WDR86: variants seen among roughly 807,000 people sequenced by gnomAD.
WDR86 encodes WD repeat domain 86, also known as WD repeat-containing protein 86.
Under a neutral mutation model 36.5 loss-of-function variants are expected in WDR86, and 30 were observed. The observed-to-expected ratio is 0.82, with a 90% CI of 0.61 to 1.11. The LOEUF is 1.11. Ranked by LOEUF, WDR86 falls within the 50% of genes most tolerant of loss-of-function variation. WDR86 has a pLI of 0.00. For synonymous variants in WDR86, 255 were observed against 252.9 expected (o/e 1.01, Z -0.08); for missense variants, 545 against 561.2 (o/e 0.97, Z 0.29).
rs369021299 is a variant in WDR86, at chr7:151,385,140, C to T, written c.810G>A (p.Thr270=). The part of the protein sequence containing the change: ...WLADTGECVR[T]FTAHRRNVSA... ...TCACGTTGCGTCTGTGGGCCGTGAA[C>T]GTGCGCACACACTCCCCTGTGTCTG... The change falls in exon 4 of 6, where the codon ACG becomes ACA. Residue 270 remains threonine (T), a synonymous_variant. Coordinates refer to ENST00000334493, the MANE Select transcript of WDR86 (RefSeq NM_198285.3). 17 of 1,612,800 alleles carry T rather than the reference C, an allele frequency of 1.1e-5. No individual in the cohort carries two copies. The highest frequency in any genetic ancestry group is 1.0e-4 in the Admixed American group (6 of 60,018).
Position 151,409,558 on chromosome 7 carries a change from C to T in WDR86, c.32G>A (p.Cys11Tyr), listed in dbSNP as rs1240697562. 6.7e-7 allele frequency: 1 copy of T among 1,498,356 alleles called. No homozygotes were observed. Among genetic ancestry groups the T allele is most frequent in the East Asian group, 2.5e-5 (1 of 39,560 alleles). The allele number at this position is 1,498,356 out of a possible 1,614,324, so 92.8% of individuals were successfully genotyped here. The change falls in exon 1 of 6, where the codon TGC (cysteine) becomes TAC (tyrosine). Residue 11 changes from cysteine to tyrosine, a missense_variant. By Grantham distance (194) the Cys-to-Tyr change is radical (BLOSUM62 -2). Coordinates refer to ENST00000334493, the MANE Select transcript of WDR86 (RefSeq NM_198285.3). The surrounding 1 kb of genome is among the most constrained non-coding windows in gnomAD (Gnocchi z 5.2). The stretch of plus-strand genomic sequence containing the variant: ...GTTGATGCCCCCGCGGTGGTCGGCG[C>T]AGACCCTCAGGGCCGACCCGCCGCC... MGGGGSALRVCADHRGGINWL... is the reference protein window; with the variant it reads MGGGGSALRVYADHRGGINWL...
rs1391160556 is a variant in WDR86, at chr7:151,398,511, T to C, written c.305+1589A>G. ...GTGTATATGTGTGCGCACGTGTGTA[T>C]GTGTAAGTTTGTGTATGAGTGTGTA... is the stretch of plus-strand genomic sequence containing the variant. On this transcript the variant is annotated intron_variant, in intron 2 of 5. Coordinates refer to ENST00000334493, the MANE Select transcript of WDR86 (RefSeq NM_198285.3). Among the ~76,000 whole-genome samples the C allele has an allele frequency of 2.0e-5, 3 of 146,812 alleles. 1 individual carries two copies. Among genetic ancestry groups the C allele is most frequent in the African/African-American group, 8.2e-5 (3 of 36,498 alleles).
At chr7:151,374,383 C>A, downstream of WDR86, 1 of 1,148,762 alleles carries the variant, frequency 8.7e-7, no homozygotes, top group Non-Finnish European at 1.3e-6. Context: ...CAGGTTTCTC[C>A]TGGGCTCCAG....
downstream of WDR86, among the ~76,000 whole-genome samples, chr7:151,372,124 C>T (rs1797986523): frequency 2.0e-5 from 3 of 152,208 alleles, no homozygotes; most frequent in East Asian, 1.9e-4. Context: ...GATCATGCTT[C>T]GGCATGGCCA....
chr7:151,377,021 C>T (rs754942454), downstream of WDR86: 1 of 1,508,498 alleles, frequency 6.6e-7, no homozygotes, highest in Non-Finnish European at 8.9e-7. Flanking sequence ...ACATAATTCA[C>T]TTACTCCTGC....
rs751619133 is a variant in WDR86 at position 151,381,766 on chromosome 7, C to T, written c.967-20G>A. On this transcript the variant is annotated intron_variant, in intron 5 of 5. Transcript: ENST00000334493. The surrounding 1 kb of genome is among the most constrained non-coding windows in gnomAD (Gnocchi z 4.8). Reference sequence around the variant, plus strand: ...GTGCACCTGCGGGCGCAGGGGCGGGCGTCACCGGTGACGCGGTAGGCGGGG... The same window carrying T: ...GTGCACCTGCGGGCGCAGGGGCGGGTGTCACCGGTGACGCGGTAGGCGGGG... 2 of 1,392,458 alleles carry T rather than the reference C, an allele frequency of 1.4e-6. No homozygotes were observed. The highest frequency in any genetic ancestry group is 9.6e-7 in the Non-Finnish European group (1 of 1,043,666). The allele number at this position is 1,392,458 out of a possible 1,614,324, so 86.3% of individuals were successfully genotyped here.
intron 3 of WDR86, among the ~76,000 whole-genome samples, chr7:151,394,212 T>C (rs1004742431): frequency 6.6e-6 from 1 of 152,166 alleles, no homozygotes; most frequent in Non-Finnish European, 1.5e-5. Context: ...AGGTGGGACC[T>C]GAGTTAGAGA....
At chr7:151,369,806 T>C in the WDR86 span, among the ~76,000 whole-genome samples, 1 of 152,208 alleles carries the variant, frequency 6.6e-6, no homozygotes, top group South Asian at 2.1e-4. Flanking sequence ...TTCACATGTA[T>C]GTTACCTCGT....
downstream of WDR86, among the ~76,000 whole-genome samples, chr7:151,372,778 C>T (rs1798021719): frequency 6.6e-6 from 1 of 152,006 alleles, no homozygotes; most frequent in African/African-American, 2.4e-5. Context: ...AGCCTGCTGC[C>T]CTGTGCAGCG....
chr7:151,389,552 C>T (rs1280344963), intron 3 of WDR86, among the ~76,000 whole-genome samples: 2 of 152,152 alleles, frequency 1.3e-5, no homozygotes, highest in South Asian at 2.1e-4. Context: ...TTCGGCAAAA[C>T]GATTTCAGAG....
chr7:151,375,667 C>T (rs1354534478), downstream of WDR86, among the ~76,000 whole-genome samples: 1 of 152,246 alleles, frequency 6.6e-6, no homozygotes, highest in Non-Finnish European at 1.5e-5. Context: ...CTTCAAACCC[C>T]AGCTGTCCTG....
rs577359034 is a variant in WDR86, at chr7:151,381,996, C to T, written c.863-15G>A. ...GCCCGTGAACACTGCGGACACACAG[C>T]GCGCGCTGGGCCTCCCTCCCTGCTC... On this transcript the variant is annotated splice_polypyrimidine_tract_variant and intron_variant, in intron 4 of 5. Transcript: ENST00000334493. This position sits in a 1 kb window ranked among gnomAD's most constrained non-coding sequence, Gnocchi z 4.8. The T allele has an allele frequency of 9.5e-6, 15 of 1,583,072 alleles. No individual in the cohort carries two copies. The East Asian group carries it at 2.3e-4, about 24-fold the overall frequency.
chr7:151,395,628 A>G (rs903686309), intron 3 of WDR86, 148 bp downstream of exon 3: 2 of 973,352 alleles, frequency 2.1e-6, no homozygotes, highest in Non-Finnish European at 3.0e-6. Flanking sequence ...TCCCAGCCCC[A>G]GGACCGCAAG....
In WDR86 at chr7:151,406,410, G is replaced by T. The variant is rs566759092; in HGVS notation, c.163+3017C>A. 3.9e-5 allele frequency among the ~76,000 whole-genome samples: 6 copies of T among 152,332 alleles called. No homozygotes were observed. Among genetic ancestry groups the T allele is most frequent in the African/African-American group, 1.4e-4 (6 of 41,568 alleles). ...GTCTCTAGAGGAAAAGCGTACGTAG[G>T]AGTCGCCAGCCCCAGCCACTCTGCT... On this transcript the variant is annotated intron_variant, in intron 1 of 5. Coordinates refer to ENST00000334493, the MANE Select transcript of WDR86 (RefSeq NM_198285.3). The surrounding 1 kb of genome is among the most constrained non-coding windows in gnomAD (Gnocchi z 4.4).
At chr7:151,392,045 G>A (rs967281737) in intron 3 of WDR86, among the ~76,000 whole-genome samples, 5 of 152,188 alleles carry the variant, frequency 3.3e-5, no homozygotes, top group African/African-American at 9.7e-5. Context: ...CTGCAAAAGT[G>A]TGTGCTGCCT....
intron 4 of WDR86, among the ~76,000 whole-genome samples, chr7:151,383,185 G>C (rs1225312798): frequency 6.7e-6 from 1 of 148,662 alleles, no homozygotes; most frequent in Admixed American, 6.7e-5. Flanking sequence ...GGGTGGGGGG[G>C]GGGAGCTGGG....
intron 4 of WDR86, among the ~76,000 whole-genome samples, chr7:151,382,700 A>C (rs779169399): frequency 1.3e-5 from 2 of 152,242 alleles, no homozygotes; most frequent in Non-Finnish European, 2.9e-5. Flanking sequence ...AGAAGAACTC[A>C]CTTGGCCTAG....
intron 2 of WDR86, among the ~76,000 whole-genome samples, chr7:151,397,125 C>T (rs761102773): frequency 9.9e-5 from 15 of 152,228 alleles, no homozygotes; most frequent in Non-Finnish European, 1.0e-4. Context: ...CCAAGGGGTG[C>T]GGCCGTGGCT....
intron 3 of WDR86, among the ~76,000 whole-genome samples, chr7:151,391,433 T>C (rs1036729272): frequency 2.6e-5 from 4 of 152,112 alleles, no homozygotes; most frequent in African/African-American, 9.7e-5. Flanking sequence ...CTGAGTGGTG[T>C]CGGGTGAAAG....
Sources: allele counts gnomAD v4.1 joint callset (sites outside exome capture counted in the v4.1 genomes callset), GRCh38; gene constraint gnomAD v4.1.1; non-coding constraint Gnocchi (gnomAD v3.1); transcripts MANE v1.5; gene names NCBI Gene and HGNC (gene_info 2026-07-23, HGNC 2026-07-21).